The following CTNND2 variants were observed in gnomAD, a reference collection of about 807,000 sequenced individuals.
CTNND2 encodes the protein catenin delta 2.
Under a neutral mutation model 144.4 loss-of-function variants are expected in CTNND2, and 22 were observed. That is an observed-to-expected ratio of 0.15 (90% CI 0.11 to 0.22). CTNND2 has a LOEUF of 0.22. CTNND2 is among the 10% of genes least tolerant of loss of function. CTNND2 has a pLI of 1.00. For synonymous variants in CTNND2, 751 were observed against 695.6 expected, an observed-to-expected ratio of 1.08 and a Z score of -1.25; for missense variants, 1,353 against 1,618.8, an observed-to-expected ratio of 0.84 and a Z score of 2.82.
At chr5:11,415,879 T>A (rs1010314132) in intron 3 of CTNND2, among the ~76,000 whole-genome samples, 2 of 152,154 alleles carry the variant, frequency 1.3e-5, no homozygotes, top group Admixed American at 6.5e-5. Context: ...GAGGTCTTCA[T>A]GCTTTCTCTC....
intron 16 of CTNND2, among the ~76,000 whole-genome samples, chr5:11,032,918 T>C (rs919611390): frequency 1.3e-5 from 2 of 152,236 alleles, no homozygotes; most frequent in African/African-American, 4.8e-5. Flanking sequence ...GAGGGAATAA[T>C]TCTGTATTTT....
intron 12 of CTNND2, among the ~76,000 whole-genome samples, chr5:11,130,242 T>C (rs1384838990): frequency 6.6e-6 from 1 of 151,154 alleles, no homozygotes; most frequent in Non-Finnish European, 1.5e-5. Flanking sequence ...AAGCGGTGGT[T>C]GCTAGGTTCA....
intron 12 of CTNND2, among the ~76,000 whole-genome samples, chr5:11,126,256 A>G (rs1754662667): frequency 6.6e-6 from 1 of 152,186 alleles, no homozygotes; most frequent in South Asian, 2.1e-4. Flanking sequence ...AGCTGAGATC[A>G]CGCCATTGCA....
rs901062141 is a variant in CTNND2, at chr5:11,164,589, C to T, written c.1976-4830G>A. On this transcript the variant is annotated intron_variant, in intron 11 of 21. Transcript: ENST00000304623. ...ACCATATAGCTCTAGTCACTGTGCTCCAGCCAAAATGGCCTGTTTCTTCTT... is the reference window on the plus strand; with the variant it reads ...ACCATATAGCTCTAGTCACTGTGCTTCAGCCAAAATGGCCTGTTTCTTCTT... Among the ~76,000 whole-genome samples the T allele has an allele frequency of 5.3e-5, 8 of 152,084 alleles. 1 individual carries two copies. The highest frequency in any genetic ancestry group is 3.9e-4 in the Admixed American group (6 of 15,268).
chr5:11,199,661 T>C lies in CTNND2; in HGVS notation c.1762A>G (p.Ile588Val). Residue 588 changes from isoleucine to valine, a missense_variant and splice_region_variant, in exon 11 of 22, where the codon ATA (isoleucine) becomes GTA (valine). Physicochemically the swap from Ile to Val is conservative, Grantham distance 29 (BLOSUM62 3). This residue lies in a region of CTNND2 where 69 missense variants were observed against 120.3 expected (regional missense o/e 0.57). Coordinates refer to ENST00000304623, the MANE Select transcript of CTNND2 (RefSeq NM_001332.4). ...CFGDNKIKAE[I>V]RRQGGIQLLV... ...AGCTGGATGCCTCCTTGTCTCCTTATCTGAAAGAGCAAAGGACACCACTTT... is the reference window on the plus strand; with the variant it reads ...AGCTGGATGCCTCCTTGTCTCCTTACCTGAAAGAGCAAAGGACACCACTTT... 1.1e-5 allele frequency: 18 copies of C among 1,613,306 alleles called. No individual in the cohort carries two copies. The highest frequency in any genetic ancestry group is 2.2e-5 in the East Asian group (1 of 44,874).
intron 1 of CTNND2, among the ~76,000 whole-genome samples, chr5:11,828,366 C>T (rs544499381): frequency 6.6e-6 from 1 of 152,116 alleles, no homozygotes; most frequent in Middle Eastern, 3.4e-3. Flanking sequence ...CCCATCTCTA[C>T]TAAAAATACA....
Position 11,384,969 on chromosome 5 carries a change from G to C in CTNND2, c.873C>G (p.Thr291=). ...GCGAGGAGCCGCGCGGCGCGGCGTA[G>C]GTGGCGCCCTCGGGGGCCGAGCCGC... The part of the protein sequence containing the change: ...QRGGSAPEGA[T]YAAPRGSSPK... The change falls in exon 7 of 22, where the codon ACC becomes ACG. Residue 291 remains threonine (T), a synonymous_variant. Coordinates refer to ENST00000304623, the MANE Select transcript of CTNND2 (RefSeq NM_001332.4). This position sits in a 1 kb window ranked among gnomAD's most constrained non-coding sequence, Gnocchi z 5.2. The C allele has an allele frequency of 6.4e-7, 1 of 1,551,060 alleles. No individual in the cohort carries two copies. The highest frequency in any genetic ancestry group is 8.7e-7 in the Non-Finnish European group (1 of 1,153,018).
At chr5:11,730,930 A>G (rs1030681699) in intron 2 of CTNND2, among the ~76,000 whole-genome samples, 4 of 152,150 alleles carry the variant, frequency 2.6e-5, no homozygotes, top group Non-Finnish European at 5.9e-5. Flanking sequence ...CAACCATAAC[A>G]AGGTAGTGTA....
intron 12 of CTNND2, among the ~76,000 whole-genome samples, chr5:11,134,203 C>T (rs577077328): frequency 1.7e-4 from 26 of 152,226 alleles, no homozygotes; most frequent in African/African-American, 6.3e-4. Flanking sequence ...AGGAAGGGAG[C>T]AATGAGCCAA....
chr5:11,859,673 T>C (rs564864540), intron 1 of CTNND2, among the ~76,000 whole-genome samples: 2 of 152,188 alleles, frequency 1.3e-5, no homozygotes, highest in African/African-American at 4.8e-5. Context: ...GAGAGCCACC[T>C]ACATGCCTGT....
chr5:11,067,945 T>C (rs1345715737), intron 16 of CTNND2, among the ~76,000 whole-genome samples: 2 of 152,192 alleles, frequency 1.3e-5, no homozygotes, highest in East Asian at 3.8e-4. Context: ...TTTAAGCTGG[T>C]TTTGACTCTA....
At chr5:11,874,608 C>T (rs1245801188) in intron 1 of CTNND2, among the ~76,000 whole-genome samples, 2 of 152,110 alleles carry the variant, frequency 1.3e-5, no homozygotes, top group Non-Finnish European at 2.9e-5. Flanking sequence ...AGACAGCATG[C>T]ATTCCCTGGA....
intron 2 of CTNND2, among the ~76,000 whole-genome samples, chr5:11,722,203 A>G (rs1049304133): frequency 6.6e-6 from 1 of 152,218 alleles, no homozygotes; most frequent in African/African-American, 2.4e-5. Context: ...TTCTCCTAAG[A>G]AGATGCTGAA....
At chr5:11,637,871 G>A (rs1202513129) in intron 2 of CTNND2, among the ~76,000 whole-genome samples, 1 of 152,108 alleles carries the variant, frequency 6.6e-6, no homozygotes, top group East Asian at 1.9e-4. Context: ...TCACTTTATA[G>A]ATTAAGACAT....
intron 9 of CTNND2, among the ~76,000 whole-genome samples, chr5:11,240,135 ACAC>A (rs1407802372): frequency 1.3e-5 from 2 of 148,800 alleles, no homozygotes; most frequent in Non-Finnish European, 3.0e-5. Flanking sequence ...CCCAACACAC[ACAC>A]CCAACACACA....
intron 1 of CTNND2, among the ~76,000 whole-genome samples, chr5:11,738,441 T>C (rs1787820988): frequency 6.6e-6 from 1 of 152,204 alleles, no homozygotes; most frequent in African/African-American, 2.4e-5. Context: ...TAAACTTTTC[T>C]TTCCCAAATA....
At chr5:11,072,964 T>C (rs919648080) in intron 16 of CTNND2, among the ~76,000 whole-genome samples, 1 of 152,242 alleles carries the variant, frequency 6.6e-6, no homozygotes, top group Admixed American at 6.5e-5. Flanking sequence ...ATCTGATTGA[T>C]GGCACCAGCC....
At chr5:11,801,438 A>G (rs1378623118) in intron 1 of CTNND2, among the ~76,000 whole-genome samples, 1 of 152,222 alleles carries the variant, frequency 6.6e-6, no homozygotes, top group African/African-American at 2.4e-5. Flanking sequence ...CCTCAATTGC[A>G]AATGAACTAA....
chr5:11,264,038 A>G (rs1009108465), intron 9 of CTNND2, among the ~76,000 whole-genome samples: 3 of 152,300 alleles, frequency 2.0e-5, no homozygotes, highest in Admixed American at 6.5e-5. Context: ...GTTCTTTTAA[A>G]ACATGTTTTG....
Sources: gnomAD v4.1 joint callset for allele counts (sites outside exome capture counted in the v4.1 genomes callset) on GRCh38, gnomAD v4.1.1 for gene constraint, gnomAD v4.1.1 regional missense constraint, Gnocchi (gnomAD v3.1) non-coding constraint, MANE v1.5 for transcripts, NCBI Gene and HGNC (gene_info 2026-07-23, HGNC 2026-07-21) for gene names.